Variants in CSMD3 observed in about 807,000 individuals in gnomAD.
The protein encoded by CSMD3 is CUB and Sushi multiple domains 3.
A neutral mutation model predicts 435.2 loss-of-function variants in CSMD3; 177 were observed. The ratio of observed to expected loss-of-function variants is 0.41; its 90% confidence interval spans 0.36 to 0.46. CSMD3 has a LOEUF of 0.46. CSMD3 is among the 20% of genes least tolerant of loss of function. The pLI, the probability that CSMD3 is intolerant of heterozygous loss-of-function variation, is 0.34. For synonymous variants in CSMD3, 1,656 were observed against 1,520.5 expected (o/e 1.09, Z -2.07); for missense variants, 4,265 against 4,504.6 (o/e 0.95, Z 1.52).
intron 36 of CSMD3, among the ~76,000 whole-genome samples, chr8:112,386,108 G>A (rs1282197163): frequency 1.3e-5 from 2 of 152,116 alleles, no homozygotes; most frequent in Non-Finnish European, 2.9e-5. Flanking sequence ...ACTAGAAGCT[G>A]GAAAAAACCA....
At chr8:113,286,894 A>C (rs2093650697) in intron 2 of CSMD3, among the ~76,000 whole-genome samples, 1 of 151,884 alleles carries the variant, frequency 6.6e-6, no homozygotes, top group Non-Finnish European at 1.5e-5. Context: ...AAGGGAGAGA[A>C]AGGGAAGCAG....
chr8:112,744,072 CAG>C (rs1204090243), intron 13 of CSMD3, among the ~76,000 whole-genome samples: 3 of 151,804 alleles, frequency 2.0e-5, no homozygotes, highest in Admixed American at 1.3e-4. Context: ...TAAAAAAAGA[CAG>C]AACTAAAAAG....
At chr8:113,082,535 C>T (rs1249564494) in intron 5 of CSMD3, among the ~76,000 whole-genome samples, 3 of 151,964 alleles carry the variant, frequency 2.0e-5, no homozygotes, top group African/African-American at 2.4e-5. Flanking sequence ...GAAGTGTGTA[C>T]ACCAGGTACA....
chr8:112,535,110 C>T (rs547305153), intron 27 of CSMD3, among the ~76,000 whole-genome samples: 134 of 152,170 alleles, frequency 8.8e-4, no homozygotes, highest in Non-Finnish European at 1.2e-3. Context: ...AAAACTGGCA[C>T]AAGACAGGGA....
intron 5 of CSMD3, among the ~76,000 whole-genome samples, chr8:113,072,718 A>C (rs2089178760): frequency 1.3e-5 from 2 of 151,808 alleles, no homozygotes; most frequent in African/African-American, 2.4e-5. Context: ...TAAAATCAGG[A>C]AATTTCAAGA....
At chr8:112,252,841 T>C (rs971952391) in intron 63 of CSMD3, among the ~76,000 whole-genome samples, 7 of 151,500 alleles carry the variant, frequency 4.6e-5, no homozygotes, top group African/African-American at 1.7e-4. Context: ...ATCTAGTCTA[T>C]TTATATTTAT....
chr8:112,879,624 C>T (rs186129474), intron 10 of CSMD3, among the ~76,000 whole-genome samples: 153 of 152,132 alleles, frequency 1.0e-3, no homozygotes, highest in Non-Finnish European at 1.6e-3. Context: ...ACGGAACCTG[C>T]CGACATGTGA....
chr8:112,487,836 A>G (rs1281478580), intron 31 of CSMD3, among the ~76,000 whole-genome samples: 1 of 152,194 alleles, frequency 6.6e-6, no homozygotes, highest in Non-Finnish European at 1.5e-5. Context: ...ACCTTTACCT[A>G]ATATTGAGTG....
At chr8:112,742,600 G>A (rs1036523481) in intron 13 of CSMD3, among the ~76,000 whole-genome samples, 7 of 151,802 alleles carry the variant, frequency 4.6e-5, no homozygotes, top group Non-Finnish European at 1.0e-4. Flanking sequence ...GGTCAGAGAA[G>A]TTATTTAAGA....
At chr8:112,630,053 A>G (rs1333441493) in intron 22 of CSMD3, among the ~76,000 whole-genome samples, 2 of 152,124 alleles carry the variant, frequency 1.3e-5, no homozygotes, top group Admixed American at 1.3e-4. Flanking sequence ...CTTCCAATAT[A>G]ACCATGTGAC....
chr8:112,855,809 C>CTTTTTTTTTTTTTTTTTTTTT (rs34885472), intron 11 of CSMD3, among the ~76,000 whole-genome samples: 7 of 135,572 alleles, frequency 5.2e-5, no homozygotes, highest in Non-Finnish European at 4.7e-5. Context: ...CTTAGCGAAG[C>CTTTTTTTTTTTTTTTTTTTTT]TTTTTTTTTT....
At chr8:112,481,769 A>G (rs943614302) in intron 31 of CSMD3, among the ~76,000 whole-genome samples, 4 of 152,196 alleles carry the variant, frequency 2.6e-5, no homozygotes, top group Non-Finnish European at 5.9e-5. Context: ...GAATTCAGAC[A>G]GCTACTATTA....
rs578083675 is a variant in CSMD3, at chr8:112,307,948, C to A, written c.7886-1756G>T. 1.8e-4 allele frequency among the ~76,000 whole-genome samples: 27 copies of A among 152,202 alleles called. 1 individual carries two copies. In the South Asian group the frequency reaches 5.4e-3, roughly 30 times the overall value. On this transcript the variant is annotated intron_variant, in intron 50 of 70. Transcript: ENST00000297405. ...AATCTACCATTTGCTGCTTAATTTT[C>A]ATTAACCCACGTAAATTAAATATAA...
chr8:113,271,085 A>C (rs1161746317), intron 3 of CSMD3, among the ~76,000 whole-genome samples: 1 of 152,114 alleles, frequency 6.6e-6, no homozygotes, highest in East Asian at 1.9e-4. Flanking sequence ...AGAAATTTCT[A>C]AGCAGCAAAT....
intron 4 of CSMD3, among the ~76,000 whole-genome samples, chr8:113,109,669 T>C (rs2090580655): frequency 6.6e-6 from 1 of 152,176 alleles, no homozygotes; most frequent in Admixed American, 6.5e-5. Flanking sequence ...TGTGGCCCTA[T>C]CTTCAAATCG....
rs72672844 is a variant in CSMD3 at position 112,238,055 on chromosome 8, A to G, written c.10469-707T>C. Among the ~76,000 whole-genome samples, 403 of 152,182 alleles carry G rather than the reference A, an allele frequency of 2.6e-3. 2 individuals carry two copies. Among genetic ancestry groups the G allele is most frequent in the Middle Eastern group, 0.017 (5 of 294 alleles). On this transcript the variant is annotated intron_variant, in intron 66 of 70. Transcript: ENST00000297405. ...ACTATTTTAGATACTAGCCAAAAAG[A>G]CTTATTGTATTTATATAAATTATTT... is the stretch of plus-strand genomic sequence containing the variant.
chr8:113,197,259 A>C (rs376265023), intron 3 of CSMD3, among the ~76,000 whole-genome samples: 1 of 151,202 alleles, frequency 6.6e-6, no homozygotes, highest in African/African-American at 2.4e-5. Context: ...TTCATGTACA[A>C]AATTATTGAA....
chr8:113,147,988 T>C (rs16884354), intron 4 of CSMD3, among the ~76,000 whole-genome samples: 2,990 of 151,790 alleles, frequency 0.02, 107 homozygotes, highest in African/African-American at 0.067. Flanking sequence ...CATAGAATCT[T>C]TAATAATGCA....
intron 13 of CSMD3, among the ~76,000 whole-genome samples, chr8:112,784,990 G>A (rs2078500213): frequency 6.6e-6 from 1 of 151,964 alleles, no homozygotes; most frequent in Non-Finnish European, 1.5e-5. Context: ...TATGTTTGAT[G>A]AACATTGATG....
Sources: allele counts gnomAD v4.1 joint callset (sites outside exome capture counted in the v4.1 genomes callset), GRCh38; gene constraint gnomAD v4.1.1; transcripts MANE v1.5; gene names NCBI Gene and HGNC (gene_info 2026-07-23, HGNC 2026-07-21).